Variants in ZNF503 observed in about 807,000 individuals in gnomAD.
ZNF503 encodes the protein zinc finger protein 503.
Under a neutral mutation model 34.4 loss-of-function variants are expected in ZNF503, and 15 were observed. The observed-to-expected ratio is 0.44, with a 90% CI of 0.29 to 0.67. The LOEUF is 0.67. ZNF503 is among the 30% of genes least tolerant of loss of function. The pLI is 0.13. For synonymous variants in ZNF503, 580 were observed against 456.8 expected, an observed-to-expected ratio of 1.27 and a Z score of -3.44; for missense variants, 1,007 against 926.8, an observed-to-expected ratio of 1.09 and a Z score of -1.12.
Position 75,399,670 on chromosome 10 carries a change from C to G in ZNF503, c.1020G>C (p.Val340=). The change falls in exon 2 of 2, where the codon GTG becomes GTC. Residue 340 remains valine, a synonymous_variant. Transcript: ENST00000372524. ...SVLGSGLVAP[V]SPYKPGQTVF... is the part of the protein sequence containing the mutation. ...CTGTCTGGCCCGGCTTGTAGGGTGA[C>G]ACGGGAGCCACCAGCCCAGAGCCCA... The G allele has an allele frequency of 6.3e-7, 1 of 1,599,780 alleles. No homozygotes were observed. Among genetic ancestry groups the G allele is most frequent in the Non-Finnish European group, 8.5e-7 (1 of 1,179,510 alleles).
chr10:75,395,241 T>TA (rs1843683237), downstream of ZNF503, among the ~76,000 whole-genome samples: 3 of 152,114 alleles, frequency 2.0e-5, no homozygotes, highest in Admixed American at 1.3e-4. This position sits in a 1 kb window ranked among gnomAD's most constrained non-coding sequence, Gnocchi z 4.4. Flanking sequence ...CGTGGGCCAA[T>TA]CCTCTGGACA....
At position 75,399,745 on chromosome 10, in the gene ZNF503, C is replaced by T. The variant is rs61743304; in HGVS notation, c.945G>A (p.Ser315=). The T allele has an allele frequency of 1.0e-3, 1,609 of 1,593,166 alleles. 23 individuals carry two copies. In the African/African-American group the frequency reaches 0.019, roughly 19 times the overall value. The part of the protein sequence containing the change: ...KALGSDCGGS[S]GSSSGSGPSA... The stretch of plus-strand genomic sequence containing the variant: ...TGGGGCCGGAGCCGGAGCTGGAGCC[C>T]GATGAACCGCCGCAGTCCGAGCCCA... The change falls in exon 2 of 2, where the codon TCG becomes TCA. Residue 315 remains serine, a synonymous_variant. Coordinates refer to ENST00000372524, the MANE Select transcript of ZNF503 (RefSeq NM_032772.6).
chr10:75,384,657 C>A, the ZNF503 span, among the ~76,000 whole-genome samples: 1 of 152,158 alleles, frequency 6.6e-6, no homozygotes, highest in Non-Finnish European at 1.5e-5. Flanking sequence ...CGGCCCAGCA[C>A]CCAAATGATG....
chr10:75,300,607 C>G, the ZNF503 span, among the ~76,000 whole-genome samples: 1 of 152,020 alleles, frequency 6.6e-6, no homozygotes, highest in Admixed American at 6.5e-5. Context: ...TCCATGAAAT[C>G]TTCACAATCC....
the ZNF503 span, among the ~76,000 whole-genome samples, chr10:75,329,563 T>C: frequency 6.6e-6 from 1 of 152,040 alleles, no homozygotes; most frequent in Non-Finnish European, 1.5e-5. Flanking sequence ...CCTCCTGCAC[T>C]CAAGTGATCC....
chr10:75,369,531 T>C, the ZNF503 span, among the ~76,000 whole-genome samples: 8 of 152,234 alleles, frequency 5.3e-5, no homozygotes, highest in Admixed American at 6.5e-5. Context: ...TCCACCATGA[T>C]TGTAAGTTTC....
the ZNF503 span, among the ~76,000 whole-genome samples, chr10:75,346,049 G>T: frequency 1.6e-4 from 25 of 152,204 alleles, no homozygotes; most frequent in Admixed American, 1.2e-3. Flanking sequence ...TCTGCATCTG[G>T]CTTTCAGAAA....
chr10:75,396,794 G>A (rs1274916846), downstream of ZNF503, among the ~76,000 whole-genome samples: 4 of 152,132 alleles, frequency 2.6e-5, no homozygotes, highest in Admixed American at 2.6e-4. This position sits in a 1 kb window ranked among gnomAD's most constrained non-coding sequence, Gnocchi z 4.4. Flanking sequence ...CTGGGCTAGC[G>A]CCCAGGCCTG....
At chr10:75,333,061 G>A in the ZNF503 span, among the ~76,000 whole-genome samples, 2 of 146,070 alleles carry the variant, frequency 1.4e-5, no homozygotes, top group South Asian at 2.2e-4. Flanking sequence ...GCCGGGCAGA[G>A]GCGCCCCTCA....
At chr10:75,322,322 C>A in the ZNF503 span, among the ~76,000 whole-genome samples, 3 of 152,018 alleles carry the variant, frequency 2.0e-5, no homozygotes, top group African/African-American at 7.2e-5. Context: ...CAGGGTTTCA[C>A]CATGTTGGCC....
chr10:75,391,274 G>A, the ZNF503 span, among the ~76,000 whole-genome samples: 11 of 152,210 alleles, frequency 7.2e-5, no homozygotes, highest in African/African-American at 2.7e-4. Context: ...CTGAGGAGCG[G>A]TGTGGTATCC....
chr10:75,343,101 A>G, the ZNF503 span: 1 of 152,164 alleles, frequency 6.6e-6, no homozygotes, highest in Admixed American at 6.5e-5. Flanking sequence ...CCTCCCCTGG[A>G]CAGGTGTTCA....
the ZNF503 span, among the ~76,000 whole-genome samples, chr10:75,339,401 C>A: frequency 1.3e-5 from 2 of 152,156 alleles, no homozygotes; most frequent in African/African-American, 4.8e-5. Flanking sequence ...GGCACCGGGT[C>A]ACTTGGCAGT....
the ZNF503 span, among the ~76,000 whole-genome samples, chr10:75,384,257 A>C: frequency 6.6e-6 from 1 of 152,030 alleles, no homozygotes; most frequent in Non-Finnish European, 1.5e-5. Context: ...ACACACACAC[A>C]TGCGCATACA....
At chr10:75,326,347 C>T in the ZNF503 span, among the ~76,000 whole-genome samples, 1 of 152,140 alleles carries the variant, frequency 6.6e-6, no homozygotes, top group Non-Finnish European at 1.5e-5. Context: ...TGATCTTAAT[C>T]TGGTTATTTT....
At chr10:75,305,471 C>A in the ZNF503 span, among the ~76,000 whole-genome samples, 1 of 152,018 alleles carries the variant, frequency 6.6e-6, no homozygotes, top group Non-Finnish European at 1.5e-5. Context: ...TGAGGATTAA[C>A]TATTTATCTT....
At chr10:75,298,478 CT>C in the ZNF503 span, among the ~76,000 whole-genome samples, 1 of 152,186 alleles carries the variant, frequency 6.6e-6, no homozygotes, top group Non-Finnish European at 1.5e-5. Context: ...GCTTCTTTCA[CT>C]CAGTATAATG....
the ZNF503 span, among the ~76,000 whole-genome samples, chr10:75,302,944 C>T: frequency 6.6e-6 from 1 of 152,256 alleles, no homozygotes; most frequent in African/African-American, 2.4e-5. Flanking sequence ...AAATATTTCT[C>T]AGTTTTTGTA....
At chr10:75,309,548 TTAAC>T in the ZNF503 span, among the ~76,000 whole-genome samples, 58 of 152,334 alleles carry the variant, frequency 3.8e-4, no homozygotes, top group African/African-American at 1.4e-3. Context: ...CAGAAGATCA[TTAAC>T]ATTTTTTAGC....
Sources: allele counts gnomAD v4.1 joint callset (sites outside exome capture counted in the v4.1 genomes callset), GRCh38; gene constraint gnomAD v4.1.1; non-coding constraint Gnocchi (gnomAD v3.1); transcripts MANE v1.5; gene names NCBI Gene and HGNC (gene_info 2026-07-23, HGNC 2026-07-21).